MAGI2: variants seen among roughly 807,000 people sequenced by gnomAD.
MAGI2 encodes the protein membrane associated guanylate kinase, WW and PDZ domain containing 2, also known as membrane-associated guanylate kinase, WW and PDZ domain-containing protein 2.
Under a neutral mutation model 133.3 loss-of-function variants are expected in MAGI2, and 35 were observed. That is an observed-to-expected ratio of 0.26 (90% CI 0.20 to 0.35). The LOEUF (loss-of-function observed/expected upper bound fraction) is 0.35, where lower values mean the gene tolerates loss of function less well. MAGI2 is among the 10% of genes least tolerant of loss of function. The probability of loss-of-function intolerance (pLI) is 1.00; values close to 1 mark genes in which losing one functional copy is unlikely to be tolerated. For synonymous variants in MAGI2, 729 were observed against 710.6 expected, an observed-to-expected ratio of 1.03 and a Z score of -0.41; for missense variants, 1,636 against 1,863.4, an observed-to-expected ratio of 0.88 and a Z score of 2.25.
intron 1 of MAGI2, among the ~76,000 whole-genome samples, chr7:79,189,988 T>C (rs1827511625): frequency 6.6e-6 from 1 of 151,902 alleles, no homozygotes. Flanking sequence ...AATACTCCAT[T>C]GTATGAATAT....
At chr7:78,834,121 A>C (rs1791418840) in intron 2 of MAGI2, among the ~76,000 whole-genome samples, 1 of 152,178 alleles carries the variant, frequency 6.6e-6, no homozygotes, top group Non-Finnish European at 1.5e-5. Context: ...CAAAAATTTG[A>C]ATATTAAATT....
intron 2 of MAGI2, among the ~76,000 whole-genome samples, chr7:78,907,313 G>C (rs867769491): frequency 1.8e-4 from 27 of 152,276 alleles, no homozygotes; most frequent in African/African-American, 6.3e-4. Flanking sequence ...CTTAAGGTAG[G>C]ATGAGAATTT....
At chr7:78,203,305 C>T (rs1829439134) in intron 10 of MAGI2, among the ~76,000 whole-genome samples, 1 of 152,180 alleles carries the variant, frequency 6.6e-6, no homozygotes, top group African/African-American at 2.4e-5. Flanking sequence ...TAATGGTGCT[C>T]TCATCTCCAC....
At chr7:78,689,543 C>A (rs915949012) in intron 2 of MAGI2, among the ~76,000 whole-genome samples, 2 of 152,120 alleles carry the variant, frequency 1.3e-5, no homozygotes, top group African/African-American at 4.8e-5. Context: ...GCTTCATACT[C>A]CTTCGCAGTT....
intron 2 of MAGI2, among the ~76,000 whole-genome samples, chr7:78,760,945 T>C (rs1041004042): frequency 6.6e-6 from 1 of 152,230 alleles, no homozygotes; most frequent in African/African-American, 2.4e-5. Context: ...AGCGTCTGTT[T>C]ATTTGTTGAA....
chr7:78,147,952 T>C lies in MAGI2; in HGVS notation c.2845+12073A>G, dbSNP rs1178249059. 3.3e-5 allele frequency among the ~76,000 whole-genome samples: 5 copies of C among 152,018 alleles called. 1 individual carries two copies. Among genetic ancestry groups the C allele is most frequent in the Non-Finnish European group, 2.9e-5 (2 of 67,978 alleles). On this transcript the variant is annotated intron_variant, in intron 16 of 21. Transcript: ENST00000354212. Reference sequence around the variant, plus strand: ...CAAGTACTCACAAGGATAGGAAGCATCTGGAGCCTTCACACATGGAATATA... The same window carrying C: ...CAAGTACTCACAAGGATAGGAAGCACCTGGAGCCTTCACACATGGAATATA...
chr7:78,885,068 A>G (rs1054151753), intron 2 of MAGI2, among the ~76,000 whole-genome samples: 1 of 152,184 alleles, frequency 6.6e-6, no homozygotes, highest in Non-Finnish European at 1.5e-5. Context: ...AGAAAACCAA[A>G]TACCATGTTC....
At chr7:78,733,923 T>A (rs867931772) in intron 2 of MAGI2, among the ~76,000 whole-genome samples, 1 of 152,336 alleles carries the variant, frequency 6.6e-6, no homozygotes, top group South Asian at 2.1e-4. Flanking sequence ...CTGAAAACGG[T>A]AATTGACTGA....
intron 9 of MAGI2, among the ~76,000 whole-genome samples, chr7:78,329,326 T>G (rs7803917): frequency 0.24 from 36,817 of 152,148 alleles, 4,904 homozygotes; most frequent in East Asian, 0.55. Flanking sequence ...GTAATTTATC[T>G]CCTATTGACT....
chr7:79,450,181 G>A (rs747628681), intron 1 of MAGI2, among the ~76,000 whole-genome samples: 11 of 151,774 alleles, frequency 7.2e-5, no homozygotes, highest in Non-Finnish European at 1.3e-4. Flanking sequence ...TTTTAAAAAC[G>A]CAACTGCTAA....
intron 1 of MAGI2, among the ~76,000 whole-genome samples, chr7:79,252,884 G>A (rs1833416642): frequency 6.6e-6 from 1 of 152,068 alleles, no homozygotes; most frequent in Admixed American, 6.5e-5. Context: ...ACAAGCACTG[G>A]GGCAGTTTCT....
At chr7:78,319,435 C>T (rs1787768880) in intron 9 of MAGI2, among the ~76,000 whole-genome samples, 2 of 152,184 alleles carry the variant, frequency 1.3e-5, no homozygotes, top group African/African-American at 4.8e-5. Context: ...GTGTCTCACA[C>T]CACAGTGCAA....
At chr7:78,570,546 T>A (rs1189192079) in intron 3 of MAGI2, among the ~76,000 whole-genome samples, 5 of 152,130 alleles carry the variant, frequency 3.3e-5, no homozygotes, top group African/African-American at 1.2e-4. Context: ...CTGCTGTGCA[T>A]TGACAGTGAC....
At chr7:79,015,502 A>G (rs541994175) in intron 1 of MAGI2, among the ~76,000 whole-genome samples, 3 of 152,298 alleles carry the variant, frequency 2.0e-5, no homozygotes, top group East Asian at 3.9e-4. Context: ...TGCATTTTAC[A>G]ATGGAAACAC....
chr7:78,921,451 T>C (rs994253111), intron 2 of MAGI2, among the ~76,000 whole-genome samples: 2 of 152,158 alleles, frequency 1.3e-5, no homozygotes, highest in Non-Finnish European at 2.9e-5. Flanking sequence ...GTCTGCACTT[T>C]AAATACGGCT....
At chr7:78,971,378 C>G (rs1432955977) in intron 2 of MAGI2, among the ~76,000 whole-genome samples, 1 of 151,824 alleles carries the variant, frequency 6.6e-6, no homozygotes, top group Non-Finnish European at 1.5e-5. Context: ...AAATGTCATG[C>G]AAATAAAGGA....
chr7:78,890,655 A>T (rs926879353), intron 2 of MAGI2, among the ~76,000 whole-genome samples: 11 of 152,196 alleles, frequency 7.2e-5, no homozygotes, highest in Non-Finnish European at 1.5e-4. Context: ...TGAAGGCAGA[A>T]ATAAAGATAT....
chr7:79,318,721 C>T (rs191081171), intron 1 of MAGI2, among the ~76,000 whole-genome samples: 1 of 152,238 alleles, frequency 6.6e-6, no homozygotes, highest in African/African-American at 2.4e-5. Context: ...TTTGCTTTTG[C>T]ACAGGAAACA....
At chr7:78,507,042 C>A (rs937169066) in intron 4 of MAGI2, among the ~76,000 whole-genome samples, 1 of 152,058 alleles carries the variant, frequency 6.6e-6, no homozygotes, top group African/African-American at 2.4e-5. Context: ...CTTAATTAAT[C>A]AAGCATTAAA....
Sources: allele counts gnomAD v4.1 joint callset (sites outside exome capture counted in the v4.1 genomes callset), GRCh38; gene constraint gnomAD v4.1.1; transcripts MANE v1.5; gene names NCBI Gene and HGNC (gene_info 2026-07-23, HGNC 2026-07-21).